SCYL2: variants seen among roughly 807,000 people sequenced by gnomAD.
SCYL2 encodes the protein SCY1-like protein 2.
Under a neutral mutation model 100.4 loss-of-function variants are expected in SCYL2, and 36 were observed. That is an observed-to-expected ratio of 0.36 (90% CI 0.27 to 0.47). The LOEUF is 0.47. Ranked by LOEUF, SCYL2 falls within the 20% of genes least tolerant of loss-of-function variation. SCYL2 has a pLI of 1.00. For synonymous variants in SCYL2, 330 were observed against 359.2 expected, an observed-to-expected ratio of 0.92 and a Z score of 0.92; for missense variants, 902 against 1,083.9, an observed-to-expected ratio of 0.83 and a Z score of 2.36.
chr12:100,290,151 T>C (rs566318714), intron 2 of SCYL2, among the ~76,000 whole-genome samples: 1 of 152,350 alleles, frequency 6.6e-6, no homozygotes, highest in East Asian at 1.9e-4. Context: ...TTCATACTAT[T>C]ATTTATTCTT....
At chr12:100,338,408 T>G (rs1952307486) in intron 17 of SCYL2, 120 bp from the exon 18 acceptor site, 1 of 787,518 alleles carries the variant, frequency 1.3e-6, no homozygotes, top group African/African-American at 1.8e-5. Context: ...TTTGCTAATT[T>G]GGTGTAGACC....
chr12:100,332,718 GTT>G (rs375690956), intron 13 of SCYL2, among the ~76,000 whole-genome samples: 8 of 140,048 alleles, frequency 5.7e-5, no homozygotes, highest in Admixed American at 1.4e-4. Context: ...TTTTATTTTT[GTT>G]TTTTTTTTTT....
At chr12:100,295,287 A>G (rs1171120242) in intron 3 of SCYL2, among the ~76,000 whole-genome samples, 1 of 151,880 alleles carries the variant, frequency 6.6e-6, no homozygotes, top group African/African-American at 2.4e-5. Flanking sequence ...CTCACTTCCC[A>G]GACGGGGTGG....
At chr12:100,314,688 C>G in intron 8 of SCYL2, 74 bp downstream of exon 8, 2 of 1,334,254 alleles carry the variant, frequency 1.5e-6, no homozygotes, top group East Asian at 2.5e-5. Context: ...ACTACCATAA[C>G]TCTTCCAAGA....
intron 17 of SCYL2, among the ~76,000 whole-genome samples, chr12:100,338,237 A>G (rs1952304417): frequency 1.3e-5 from 2 of 152,240 alleles, no homozygotes; most frequent in African/African-American, 4.8e-5. Context: ...ATTTTTTGTA[A>G]TATAGAATAA....
intron 4 of SCYL2, among the ~76,000 whole-genome samples, chr12:100,308,228 G>A (rs950300572): frequency 6.6e-6 from 1 of 152,136 alleles, no homozygotes. Context: ...GCAAAGACTG[G>A]AACCAACCCA....
chr12:100,294,309 C>T (rs1348757802), intron 3 of SCYL2, among the ~76,000 whole-genome samples: 11 of 122,698 alleles, frequency 9.0e-5, no homozygotes, highest in Non-Finnish European at 1.6e-4. Context: ...AGAGGGGCTC[C>T]TCACTTCCCA....
chr12:100,286,617 C>A (rs1566347072), intron 2 of SCYL2, among the ~76,000 whole-genome samples: 1 of 152,038 alleles, frequency 6.6e-6, no homozygotes, highest in Non-Finnish European at 1.5e-5. Flanking sequence ...TGATTGATTT[C>A]TAATAATTAT....
intron 9 of SCYL2, among the ~76,000 whole-genome samples, chr12:100,317,133 T>C (rs2096349848): frequency 6.6e-6 from 1 of 151,926 alleles, no homozygotes; most frequent in African/African-American, 2.4e-5. Flanking sequence ...TTCTTCCGAA[T>C]ATTCTTCCCT....
intron 1 of SCYL2, among the ~76,000 whole-genome samples, chr12:100,272,815 G>A (rs116333063): frequency 0.025 from 3,768 of 151,972 alleles, 153 homozygotes; most frequent in African/African-American, 0.086. Flanking sequence ...ATTCAGCAAC[G>A]CTTCTCCCTT....
At chr12:100,291,046 T>G (rs1479605550) in intron 2 of SCYL2, among the ~76,000 whole-genome samples, 1 of 152,198 alleles carries the variant, frequency 6.6e-6, no homozygotes, top group Non-Finnish European at 1.5e-5. Flanking sequence ...GAATATAGAT[T>G]ATTCATATGT....
chr12:100,317,386 G>A (rs1292643657), intron 9 of SCYL2, among the ~76,000 whole-genome samples: 2 of 152,126 alleles, frequency 1.3e-5, no homozygotes, highest in Admixed American at 1.3e-4. Context: ...TGCACCTGGC[G>A]TCTAGAATTT....
chr12:100,304,807 A>G (rs759521699), intron 4 of SCYL2, among the ~76,000 whole-genome samples: 2 of 151,992 alleles, frequency 1.3e-5, no homozygotes, highest in East Asian at 1.9e-4. Context: ...ATGGAGGAGT[A>G]TTTATCAAGC....
At position 100,313,191 on chromosome 12, in the gene SCYL2, T is replaced by C. The variant is rs1014805542; in HGVS notation, c.853-231T>C. Among the ~76,000 whole-genome samples the C allele has an allele frequency of 2.0e-5, 3 of 152,288 alleles. No homozygotes were observed. In the East Asian group the frequency reaches 5.8e-4, roughly 29 times the overall value. ...GTTAAAATTTGTTACAGAACTTTAGTCATGGCATTTGAGTAAATATAAATA... is the reference window on the plus strand; with the variant it reads ...GTTAAAATTTGTTACAGAACTTTAGCCATGGCATTTGAGTAAATATAAATA... On this transcript the variant is annotated intron_variant, in intron 6 of 17. Coordinates refer to ENST00000360820, the MANE Select transcript of SCYL2 (RefSeq NM_017988.6).
Position 100,308,171 on chromosome 12 carries a change from A to G in SCYL2, c.481-2873A>G, listed in dbSNP as rs959388468. Among the ~76,000 whole-genome samples the G allele has an allele frequency of 6.6e-5, 10 of 152,318 alleles. No homozygotes were observed. The South Asian group carries it at 8.3e-4, about 13-fold the overall frequency. On this transcript the variant is annotated intron_variant, in intron 4 of 17. Transcript: ENST00000360820. ...CCAAAGGATTATAAATGATTCTACT[A>G]TAAAGACACATGCACACGTATGTTT...
intron 3 of SCYL2, among the ~76,000 whole-genome samples, chr12:100,292,230 G>A (rs1259911120): frequency 1.2e-4 from 18 of 152,200 alleles, no homozygotes; most frequent in Admixed American, 9.2e-4. Context: ...TACTCCTTTA[G>A]ATACGCTAGC....
chr12:100,288,296 T>C (rs1371582715), intron 2 of SCYL2, among the ~76,000 whole-genome samples: 1 of 151,932 alleles, frequency 6.6e-6, no homozygotes, highest in African/African-American at 2.4e-5. Context: ...TGAGAGAATT[T>C]TGTGAGTTTT....
intron 13 of SCYL2, among the ~76,000 whole-genome samples, chr12:100,332,755 C>G (rs935683820): frequency 2.0e-5 from 3 of 148,626 alleles, no homozygotes; most frequent in African/African-American, 7.4e-5. Context: ...CACTCTGTCT[C>G]CCAGGCTGGA....
chr12:100,276,826 C>T (rs2096293008), intron 1 of SCYL2, among the ~76,000 whole-genome samples: 1 of 151,740 alleles, frequency 6.6e-6, no homozygotes, highest in Non-Finnish European at 1.5e-5. Context: ...TTCTAGCTTC[C>T]TAAGGTGGAA....
Sources: gnomAD v4.1 joint callset for allele counts (sites outside exome capture counted in the v4.1 genomes callset) on GRCh38, gnomAD v4.1.1 for gene constraint, MANE v1.5 for transcripts, NCBI Gene and HGNC (gene_info 2026-07-23, HGNC 2026-07-21) for gene names.